CPSF4L: variants seen among roughly 807,000 people sequenced by gnomAD.
The protein encoded by CPSF4L is cleavage and polyadenylation specific factor 4 like, also known as putative cleavage and polyadenylation specificity factor subunit 4-like protein.
Under a neutral mutation model 24.0 loss-of-function variants are expected in CPSF4L, and 18 were observed. The ratio of observed to expected loss-of-function variants is 0.75; its 90% CI spans 0.52 to 1.11. The LOEUF (loss-of-function observed/expected upper bound fraction) is 1.11, where lower values mean the gene tolerates loss of function less well. CPSF4L is among the 50% of genes least tolerant of loss of function. The pLI, the probability that CPSF4L is intolerant of heterozygous loss-of-function variation, is 0.00. For synonymous variants in CPSF4L, 72 were observed against 77.2 expected (o/e 0.93, Z 0.35); for missense variants, 211 against 221.8 (o/e 0.95, Z 0.31).
intron 2 of CPSF4L, among the ~76,000 whole-genome samples, chr17:73,258,494 G>A (rs1232873995): frequency 6.6e-6 from 1 of 151,572 alleles, no homozygotes; most frequent in Non-Finnish European, 1.5e-5. Context: ...TAGAGACGGG[G>A]TTTCACCATG....
intron 3 of CPSF4L, among the ~76,000 whole-genome samples, chr17:73,257,475 G>A (rs1318450841): frequency 2.0e-5 from 3 of 151,094 alleles, no homozygotes; most frequent in Non-Finnish European, 2.9e-5. Flanking sequence ...CTTGATCCAG[G>A]GGGCAGTAAA....
At chr17:73,261,485 C>G (rs1056898892) in intron 1 of CPSF4L, among the ~76,000 whole-genome samples, 1 of 152,124 alleles carries the variant, frequency 6.6e-6, no homozygotes, top group Non-Finnish European at 1.5e-5. Flanking sequence ...CATGGTGAAA[C>G]CCGGTCTCTA....
chr17:73,262,069 G>T (rs1355801635), upstream of CPSF4L: 3 of 528,798 alleles, frequency 5.7e-6, no homozygotes, highest in Non-Finnish European at 1.0e-5. Context: ...TGTACACAAG[G>T]CTCACTCGGA....
At chr17:73,245,985 A>G (rs2061945373), downstream of CPSF4L, among the ~76,000 whole-genome samples, 1 of 151,870 alleles carries the variant, frequency 6.6e-6, no homozygotes, top group African/African-American at 2.4e-5. Context: ...GTGTCTCTTC[A>G]TCTCATCAAA....
At chr17:73,243,008 G>A in the CPSF4L span, 1 of 1,604,906 alleles carries the variant, frequency 6.2e-7, no homozygotes, top group Non-Finnish European at 8.5e-7. Flanking sequence ...GTCTGAGTAA[G>A]TCTTTCTATA....
chr17:73,246,710 C>G (rs1472684491), downstream of CPSF4L, among the ~76,000 whole-genome samples: 1 of 152,190 alleles, frequency 6.6e-6, no homozygotes, highest in Non-Finnish European at 1.5e-5. Flanking sequence ...GCAACAAATT[C>G]TCATAGTTAA....
intron 3 of CPSF4L, among the ~76,000 whole-genome samples, chr17:73,255,835 GTC>G (rs1165475008): frequency 6.6e-6 from 1 of 152,126 alleles, no homozygotes; most frequent in Admixed American, 6.5e-5. Context: ...CTGCGTGCAC[GTC>G]TCTGCATTCC....
intron 3 of CPSF4L, among the ~76,000 whole-genome samples, chr17:73,255,446 G>A (rs1422323722): frequency 6.6e-6 from 1 of 150,738 alleles, no homozygotes; most frequent in African/African-American, 2.4e-5. Flanking sequence ...GGCAGAGGTT[G>A]CAGTGAGTCG....
Position 73,257,788 on chromosome 17 carries a change from A to G in CPSF4L, c.200T>C (p.Val67Ala), listed in dbSNP as rs2145281252. Residue 67 changes from valine (V) to alanine (A), a missense_variant, in exon 3 of 6, where the codon GTA becomes GCA. Physicochemically the swap from Val to Ala is moderately conservative, Grantham distance 64. Transcript: ENST00000344935. Reference sequence around the variant, plus strand: ...GAGCCCCCGGAGCCAGTGCTTGCATACCACCATCTTCTCCCCTCGGTCATG... The same window carrying G: ...GAGCCCCCGGAGCCAGTGCTTGCATGCCACCATCTTCTCCCCTCGGTCATG... ...FRHDRGEKMVVCKHWLRGLCK... is the reference protein window; with the variant it reads ...FRHDRGEKMVACKHWLRGLCK... 6.4e-7 allele frequency: 1 copy of G among 1,551,502 alleles called. No homozygotes were observed. Among genetic ancestry groups the G allele is most frequent in the African/African-American group, 1.4e-5 (1 of 73,066 alleles).
the CPSF4L span, chr17:73,243,139 C>T: frequency 5.5e-5 from 40 of 726,370 alleles, no homozygotes; most frequent in Non-Finnish European, 5.4e-5. Context: ...GGTGAATGAG[C>T]TATTGCCTGG....
downstream of CPSF4L, among the ~76,000 whole-genome samples, chr17:73,246,091 G>A (rs1175189873): frequency 2.0e-5 from 3 of 152,252 alleles, no homozygotes; most frequent in Middle Eastern, 3.4e-3. Context: ...TTTAGGCAAC[G>A]TTGATGGATA....
At chr17:73,253,711 G>A (rs2145277216) in intron 4 of CPSF4L, among the ~76,000 whole-genome samples, 2 of 152,350 alleles carry the variant, frequency 1.3e-5, no homozygotes, top group South Asian at 4.1e-4. Context: ...CATGCTGAAG[G>A]TAGGATTTGA....
chr17:73,263,483 G>A (rs977146616), upstream of CPSF4L, among the ~76,000 whole-genome samples: 3 of 152,214 alleles, frequency 2.0e-5, no homozygotes, highest in African/African-American at 7.2e-5. Flanking sequence ...TCAATGGAGA[G>A]TCATGATGAT....
upstream of CPSF4L, chr17:73,261,952 C>A: frequency 1.5e-6 from 1 of 662,832 alleles, no homozygotes; most frequent in Non-Finnish European, 2.6e-6. Flanking sequence ...GGCCAGGTGA[C>A]TGCAGGGGAC....
intron 4 of CPSF4L, 93 bp from the exon 5 acceptor site, chr17:73,252,816 C>A (rs1232682419): frequency 2.9e-5 from 22 of 754,468 alleles, no homozygotes; most frequent in Non-Finnish European, 4.6e-5. Flanking sequence ...TGTGGATGGT[C>A]ATAGGGGCTT....
chr17:73,251,417 G>C (rs904402539), intron 5 of CPSF4L, among the ~76,000 whole-genome samples: 1 of 152,146 alleles, frequency 6.6e-6, no homozygotes, highest in East Asian at 1.9e-4. Flanking sequence ...GGAGGCCCCA[G>C]TAGCCGTCAG....
At chr17:73,262,790 AC>A (rs1351454590), upstream of CPSF4L, among the ~76,000 whole-genome samples, 7 of 152,078 alleles carry the variant, frequency 4.6e-5, no homozygotes, top group African/African-American at 1.7e-4. Context: ...TAGAACCAGA[AC>A]CCATACGCCC....
chr17:73,259,804 C>T (rs935422513), intron 2 of CPSF4L, among the ~76,000 whole-genome samples: 21 of 152,222 alleles, frequency 1.4e-4, no homozygotes, highest in African/African-American at 5.1e-4. Context: ...CCCCCAGCTT[C>T]CAGGGACAGA....
chr17:73,253,798 A>G, intron 4 of CPSF4L, 133 bp downstream of exon 4: 1 of 587,856 alleles, frequency 1.7e-6, no homozygotes, highest in South Asian at 2.2e-5. Context: ...GAGCTGGAGG[A>G]GAACTACAGA....
Sources: gnomAD v4.1 joint callset for allele counts (sites outside exome capture counted in the v4.1 genomes callset) on GRCh38, gnomAD v4.1.1 for gene constraint, MANE v1.5 for transcripts, NCBI Gene and HGNC (gene_info 2026-07-23, HGNC 2026-07-21) for gene names.